Variants in NSL1 observed in about 807,000 individuals in gnomAD.
The protein encoded by NSL1 is NSL1 component of MIS12 kinetochore complex.
In NSL1, 11 loss-of-function variants were observed where a neutral mutation model predicts 25.4. That is an observed-to-expected ratio of 0.43 (90% CI 0.27 to 0.72). The LOEUF (loss-of-function observed/expected upper bound fraction) is 0.72. NSL1 is among the 30% of genes least tolerant of loss of function. NSL1 has a pLI of 0.19. For synonymous variants in NSL1, 118 were observed against 120.6 expected (o/e 0.98, Z 0.14); for missense variants, 330 against 342.7 (o/e 0.96, Z 0.29).
At position 212,727,277 on chromosome 1, in the gene NSL1, C is replaced by T; in HGVS notation, c.*11131G>A. The T allele has an allele frequency of 7.3e-7, 1 of 1,360,848 alleles. No individual in the cohort carries two copies. The highest frequency in any genetic ancestry group is 9.5e-7 in the Non-Finnish European group (1 of 1,049,932). The allele number at this position is 1,360,848 out of a possible 1,614,324, so 84.3% of individuals were successfully genotyped here. A position where few individuals can be genotyped will look rare whatever the true frequency, so the allele number is the denominator to read the frequency against. On this transcript the variant is annotated 3_prime_UTR_variant, in exon 6 of 6. Coordinates refer to ENST00000366977, the MANE Select transcript of NSL1 (RefSeq NM_015471.4). ...CTTGCCTTGAGACTCAGAGCTGTTT[C>T]ACAACCCTTTGTTCCAGGCAGGGCC...
intron 4 of NSL1, among the ~76,000 whole-genome samples, chr1:212,777,677 C>T (rs1387130205): frequency 6.6e-6 from 1 of 152,082 alleles, no homozygotes; most frequent in Non-Finnish European, 1.5e-5. Flanking sequence ...CCTGGTTATA[C>T]TTCTGAGGTA....
intron 4 of NSL1, among the ~76,000 whole-genome samples, chr1:212,767,370 T>G (rs1163869056): frequency 1.3e-5 from 2 of 152,060 alleles, no homozygotes; most frequent in South Asian, 4.1e-4. Context: ...AAGCCACATG[T>G]AGAAGAATGA....
intron 4 of NSL1, among the ~76,000 whole-genome samples, chr1:212,741,078 T>C (rs1333499426): frequency 2.6e-5 from 4 of 152,188 alleles, no homozygotes; most frequent in Non-Finnish European, 5.9e-5. Context: ...TTTTTTCCTA[T>C]ACAAGTTCAC....
intron 1 of NSL1, 131 bp downstream of exon 1, chr1:212,791,399 G>C (rs1054593229): frequency 1.2e-6 from 1 of 813,844 alleles, no homozygotes; most frequent in African/African-American, 1.7e-5. Flanking sequence ...AGCGTTTCTC[G>C]AACTGGTTCT....
In NSL1 at chr1:212,729,358, G is replaced by C. The variant is rs1268748193; in HGVS notation, c.*9050C>G. On this transcript the variant is annotated 3_prime_UTR_variant, in exon 6 of 6. Transcript: ENST00000366977. ...TGCTTGTGGGCAGGGTCTGTGCCTTGGTTTACAGGTGTACATCCACACAGC... is the reference window on the plus strand; with the variant it reads ...TGCTTGTGGGCAGGGTCTGTGCCTTCGTTTACAGGTGTACATCCACACAGC... 2 of 980,556 alleles carry C rather than the reference G, an allele frequency of 2.0e-6. No homozygotes were observed. Among genetic ancestry groups the C allele is most frequent in the African/African-American group, 3.5e-5 (2 of 57,090 alleles). 60.7% of individuals were successfully genotyped at this position (980,556 alleles called of 1,614,324 possible). A position where few individuals can be genotyped will look rare whatever the true frequency, so the allele number is the denominator to read the frequency against.
rs1239607235 is a variant in NSL1 at position 212,733,690 on chromosome 1, T to C, written c.*4718A>G. Among the ~76,000 whole-genome samples the C allele has an allele frequency of 6.6e-6, 1 of 152,246 alleles. No individual in the cohort carries two copies. Among genetic ancestry groups the C allele is most frequent in the Non-Finnish European group, 1.5e-5 (1 of 68,044 alleles). ...CTCATTTCTTCTTATTGCCAAATAA[T>C]ATTCTATTGAGTGGATAGTCCACAT... On this transcript the variant is annotated 3_prime_UTR_variant, in exon 6 of 6. Coordinates refer to ENST00000366977, the MANE Select transcript of NSL1 (RefSeq NM_015471.4).
At chr1:212,788,133 G>C (rs1033924246) in intron 1 of NSL1, among the ~76,000 whole-genome samples, 6 of 152,178 alleles carry the variant, frequency 3.9e-5, no homozygotes, top group Admixed American at 3.9e-4. Context: ...GCAAACGTAG[G>C]CCAGGTGCAG....
intron 4 of NSL1, among the ~76,000 whole-genome samples, chr1:212,767,484 AC>A (rs1659874273): frequency 6.6e-6 from 1 of 152,230 alleles, no homozygotes; most frequent in African/African-American, 2.4e-5. Context: ...ATAACATCAG[AC>A]AAACTCTTCT....
In NSL1 at chr1:212,727,264, C is replaced by T. The variant is rs556012350; in HGVS notation, c.*11144G>A. 29 of 1,370,914 alleles carry T rather than the reference C, an allele frequency of 2.1e-5. No homozygotes were observed. In the African/African-American group the frequency reaches 3.5e-4, roughly 16 times the overall value. The allele number at this position is 1,370,914 out of a possible 1,614,324, so 84.9% of individuals were successfully genotyped here. A position where few individuals can be genotyped will look rare whatever the true frequency, so the allele number is the denominator to read the frequency against. On this transcript the variant is annotated 3_prime_UTR_variant, in exon 6 of 6. Coordinates refer to ENST00000366977, the MANE Select transcript of NSL1 (RefSeq NM_015471.4). ...ATGGCTTTCAAGACTTGCCTTGAGA[C>T]TCAGAGCTGTTTCACAACCCTTTGT...
At chr1:212,757,629 G>A (rs1271018117) in intron 4 of NSL1, among the ~76,000 whole-genome samples, 2 of 152,070 alleles carry the variant, frequency 1.3e-5, no homozygotes, top group Non-Finnish European at 2.9e-5. Context: ...ATGTGGGGAG[G>A]TGCCACAGTC....
chr1:212,752,398 A>G (rs1659106446), intron 4 of NSL1, among the ~76,000 whole-genome samples: 2 of 152,210 alleles, frequency 1.3e-5, no homozygotes, highest in Admixed American at 6.5e-5. Context: ...ATTATTAGGA[A>G]AGAAGCGGAA....
intron 2 of NSL1, among the ~76,000 whole-genome samples, chr1:212,787,301 A>G (rs766679378): frequency 3.9e-5 from 6 of 152,242 alleles, no homozygotes; most frequent in Admixed American, 6.5e-5. Context: ...ACTTACAAAA[A>G]TACAACTTGC....
At chr1:212,789,430 TG>T (rs1251102012) in intron 1 of NSL1, among the ~76,000 whole-genome samples, 2 of 152,368 alleles carry the variant, frequency 1.3e-5, no homozygotes, top group African/African-American at 4.8e-5. Context: ...CAGGCTGGTC[TG>T]GAACTCCTGA....
At chr1:212,779,766 C>T (rs1660617089) in intron 4 of NSL1, among the ~76,000 whole-genome samples, 2 of 119,108 alleles carry the variant, frequency 1.7e-5, no homozygotes, top group African/African-American at 3.2e-5. Context: ...CCAGCCGCCC[C>T]GTCCGGGAGG....
rs1164299547 is a variant in NSL1 at position 212,733,310 on chromosome 1, T to C, written c.*5098A>G. 6.6e-6 allele frequency among the ~76,000 whole-genome samples: 1 copy of C among 151,910 alleles called. No individual in the cohort carries two copies. Among genetic ancestry groups the C allele is most frequent in the Non-Finnish European group, 1.5e-5 (1 of 68,008 alleles). ...AGCTGGGCATGATGGTGCATGCCTA[T>C]AGTCCCACCTACTTGGGAGGCTAAG... On this transcript the variant is annotated 3_prime_UTR_variant, in exon 6 of 6. Transcript: ENST00000366977.
chr1:212,743,438 C>T (rs912779660), intron 4 of NSL1, among the ~76,000 whole-genome samples: 1 of 151,386 alleles, frequency 6.6e-6, no homozygotes, highest in Admixed American at 6.6e-5. Context: ...GCTGGGATTA[C>T]AGCCATGAAC....
In NSL1 at chr1:212,735,264, G is replaced by A; in HGVS notation, c.*3144C>T. 3 of 962,916 alleles carry A rather than the reference G, an allele frequency of 3.1e-6. No homozygotes were observed. The highest frequency in any genetic ancestry group is 3.7e-6 in the Non-Finnish European group (3 of 809,570). 59.6% of individuals were successfully genotyped at this position (962,916 alleles called of 1,614,324 possible). On this transcript the variant is annotated 3_prime_UTR_variant, in exon 6 of 6. Coordinates refer to ENST00000366977, the MANE Select transcript of NSL1 (RefSeq NM_015471.4). ...GTAGAACTGAAATCTGAACTCAGAT[G>A]ATCTGGCTTAGAGGCTGTGCTCTTA...
chr1:212,730,999 G>C lies in NSL1; in HGVS notation c.*7409C>G. 3 of 985,404 alleles carry C rather than the reference G, an allele frequency of 3.0e-6. No individual in the cohort carries two copies. Among genetic ancestry groups the C allele is most frequent in the Non-Finnish European group, 3.6e-6 (3 of 829,928 alleles). The allele number at this position is 985,404 out of a possible 1,614,324, so 61.0% of individuals were successfully genotyped here. A position where few individuals can be genotyped will look rare whatever the true frequency, so the allele number is the denominator to read the frequency against. On this transcript the variant is annotated 3_prime_UTR_variant, in exon 6 of 6. Coordinates refer to ENST00000366977, the MANE Select transcript of NSL1 (RefSeq NM_015471.4). The stretch of plus-strand genomic sequence containing the variant: ...CCATGGGCAAAGTATGAGCAATGTA[G>C]AGACACAGCAACGAATTACAAGGGA...
At chr1:212,763,066 T>C (rs913980657) in intron 4 of NSL1, among the ~76,000 whole-genome samples, 3 of 152,208 alleles carry the variant, frequency 2.0e-5, no homozygotes, top group African/African-American at 7.2e-5. Context: ...CTTGGGCAGG[T>C]CTGAGTTCCG....
Sources: gnomAD v4.1 joint callset for allele counts (sites outside exome capture counted in the v4.1 genomes callset) on GRCh38, gnomAD v4.1.1 for gene constraint, MANE v1.5 for transcripts, NCBI Gene and HGNC (gene_info 2026-07-23, HGNC 2026-07-21) for gene names.